GAS7: variants seen among roughly 807,000 people sequenced by gnomAD.
The protein encoded by GAS7 is growth arrest-specific protein 7.
In GAS7, 28 loss-of-function variants were observed where a neutral mutation model predicts 71.1. The observed-to-expected ratio is 0.39, with a 90% CI of 0.29 to 0.54. GAS7 has a LOEUF of 0.54. GAS7 is among the 20% of genes least tolerant of loss of function. The pLI is 0.62. For synonymous variants in GAS7, 258 were observed against 245.8 expected (o/e 1.05, Z -0.46); for missense variants, 436 against 627.8 (o/e 0.69, Z 3.27).
intron 1 of GAS7, among the ~76,000 whole-genome samples, chr17:10,112,197 G>A (rs1286980474): frequency 6.6e-6 from 1 of 152,176 alleles, no homozygotes; most frequent in Non-Finnish European, 1.5e-5. Flanking sequence ...TGCTGTCACT[G>A]CATCCAATTC....
At chr17:9,924,156 T>G (rs2067913995) in intron 11 of GAS7, among the ~76,000 whole-genome samples, 1 of 152,222 alleles carries the variant, frequency 6.6e-6, no homozygotes, top group South Asian at 2.1e-4. Flanking sequence ...TATTTTGCCA[T>G]GTACCAATAC....
At position 9,914,799 on chromosome 17, in the gene GAS7, C is replaced by A. The variant is rs7220380; in HGVS notation, c.*2429G>T. 9 of 229,066 alleles carry A rather than the reference C, an allele frequency of 3.9e-5. No homozygotes were observed. The highest frequency in any genetic ancestry group is 6.9e-5 in the Non-Finnish European group (8 of 115,574). 14.2% of individuals were successfully genotyped at this position (229,066 alleles called of 1,614,324 possible). A position where few individuals can be genotyped will look rare whatever the true frequency, so the allele number is the denominator to read the frequency against. ...ATGCCCATCTTACATACAACTAGAG[C>A]GCCGCTTCTCAGCATGCCTGGCTTG... On this transcript the variant is annotated 3_prime_UTR_variant, in exon 14 of 14. Coordinates refer to ENST00000432992, the MANE Select transcript of GAS7 (RefSeq NM_201433.2).
In GAS7 at chr17:9,988,950, G is replaced by T. The variant is rs561878351; in HGVS notation, c.305-7066C>A. Among the ~76,000 whole-genome samples the T allele has an allele frequency of 2.7e-5, 4 of 148,706 alleles. No homozygotes were observed. The East Asian group carries it at 8.1e-4, about 30-fold the overall frequency. Reference sequence around the variant, plus strand: ...TGCAAGCTCCGCCTCCCAGGTTCCCGCCATTCTCCTGCCTCAGCCTCCTGA... The same window carrying T: ...TGCAAGCTCCGCCTCCCAGGTTCCCTCCATTCTCCTGCCTCAGCCTCCTGA... On this transcript the variant is annotated intron_variant, in intron 2 of 13. Transcript: ENST00000432992.
At chr17:10,137,279 T>C (rs1461735853) in intron 1 of GAS7, among the ~76,000 whole-genome samples, 1 of 152,066 alleles carries the variant, frequency 6.6e-6, no homozygotes, top group Non-Finnish European at 1.5e-5. Context: ...TCATTCCCTC[T>C]CCATTAAGTT....
At chr17:10,090,437 A>G (rs2073569891) in intron 1 of GAS7, among the ~76,000 whole-genome samples, 1 of 152,228 alleles carries the variant, frequency 6.6e-6, no homozygotes, top group Admixed American at 6.5e-5. Flanking sequence ...GATCTCTCAC[A>G]AACTTCAGAA....
chr17:10,107,524 C>A (rs2073769493), intron 1 of GAS7, among the ~76,000 whole-genome samples: 1 of 151,388 alleles, frequency 6.6e-6, no homozygotes. Context: ...GGAGAACTAC[C>A]TTACACATAG....
rs912662198 is a variant in GAS7 at position 9,926,010 on chromosome 17, C to T, written c.1015-411G>A. 3.9e-5 allele frequency among the ~76,000 whole-genome samples: 6 copies of T among 152,030 alleles called. No individual in the cohort carries two copies. Among genetic ancestry groups the T allele is most frequent in the Non-Finnish European group, 4.4e-5 (3 of 68,012 alleles). The stretch of plus-strand genomic sequence containing the variant: ...TCCCGTTCTGGAGCTGGACAAGCCT[C>T]GGCCCTCTTGTTCCCCTCACTGTAC... On this transcript the variant is annotated intron_variant, in intron 10 of 13. Transcript: ENST00000432992. The surrounding 1 kb of genome is among the most constrained non-coding windows in gnomAD (Gnocchi z 5.0).
At chr17:10,083,816 C>T (rs149444820) in intron 1 of GAS7, among the ~76,000 whole-genome samples, 285 of 152,230 alleles carry the variant, frequency 1.9e-3, no homozygotes, top group Non-Finnish European at 3.2e-3. Context: ...AAAGACACCA[C>T]GCAGAAGTGG....
chr17:9,971,890 GGAT>G (rs1301769970), intron 3 of GAS7, among the ~76,000 whole-genome samples: 1 of 152,166 alleles, frequency 6.6e-6, no homozygotes, highest in African/African-American at 2.4e-5. Context: ...TTGGGCAATG[GGAT>G]GATGAAGCCC....
intron 9 of GAS7, among the ~76,000 whole-genome samples, chr17:9,928,119 A>T (rs931898570): frequency 1.7e-3 from 248 of 145,692 alleles, no homozygotes; most frequent in African/African-American, 4.7e-3. Flanking sequence ...TTATTTATTT[A>T]TTTATTTTTT....
chr17:10,182,497 G>A (rs985243385), intron 1 of GAS7, among the ~76,000 whole-genome samples: 2 of 152,122 alleles, frequency 1.3e-5, no homozygotes, highest in Non-Finnish European at 2.9e-5. Flanking sequence ...CTTTTACTTT[G>A]TCAGCTAACT....
chr17:10,167,447 G>A (rs2074304158), intron 1 of GAS7, among the ~76,000 whole-genome samples: 1 of 152,268 alleles, frequency 6.6e-6, no homozygotes, highest in South Asian at 2.1e-4. Flanking sequence ...AACCTCACGT[G>A]GGTGTCAAAA....
At chr17:10,098,351 GCC>G (rs1274936155) in intron 1 of GAS7, among the ~76,000 whole-genome samples, 3 of 152,228 alleles carry the variant, frequency 2.0e-5, no homozygotes, top group African/African-American at 7.2e-5. Context: ...ACCCCATGCA[GCC>G]AGGGCTGCCC....
intron 11 of GAS7, among the ~76,000 whole-genome samples, chr17:9,924,134 T>G (rs1394814123): frequency 6.6e-6 from 1 of 152,234 alleles, no homozygotes; most frequent in African/African-American, 2.4e-5. Context: ...TATTCTTGTC[T>G]GCTGATTAAA....
At chr17:10,046,861 AAAAAG>A (rs1225430290) in intron 1 of GAS7, among the ~76,000 whole-genome samples, 3 of 107,060 alleles carry the variant, frequency 2.8e-5, no homozygotes, top group South Asian at 2.6e-4. Context: ...AAAGAAAAGA[AAAAAG>A]AAAAGAAAAG....
rs546279262 is a variant in GAS7 at position 9,916,562 on chromosome 17, G to A, written c.*666C>T. The A allele has an allele frequency of 3.2e-3, 785 of 244,802 alleles. 2 individuals carry two copies. The highest frequency in any genetic ancestry group is 4.4e-3 in the Non-Finnish European group (561 of 126,172). The allele number at this position is 244,802 out of a possible 1,614,324, so 15.2% of individuals were successfully genotyped here. A position where few individuals can be genotyped will look rare whatever the true frequency, so the allele number is the denominator to read the frequency against. Reference sequence around the variant, plus strand: ...CTGATCTCATGGGACACGATTCAGCGCTCAATTTGGGGCTAATTTGCCGAA... The same window carrying A: ...CTGATCTCATGGGACACGATTCAGCACTCAATTTGGGGCTAATTTGCCGAA... On this transcript the variant is annotated 3_prime_UTR_variant, in exon 14 of 14. Coordinates refer to ENST00000432992, the MANE Select transcript of GAS7 (RefSeq NM_201433.2).
intron 5 of GAS7, among the ~76,000 whole-genome samples, chr17:9,951,076 C>G (rs1165874679): frequency 6.6e-6 from 1 of 152,182 alleles, no homozygotes; most frequent in Non-Finnish European, 1.5e-5. Flanking sequence ...AGAGACAAGT[C>G]TCCTTCCTTC....
chr17:10,015,132 C>T (rs2071940829), intron 2 of GAS7, among the ~76,000 whole-genome samples: 3 of 150,438 alleles, frequency 2.0e-5, no homozygotes, highest in Non-Finnish European at 4.4e-5. Context: ...TCCAGTCTGG[C>T]GACAGAGCGA....
At position 10,198,378 on chromosome 17, in the gene GAS7, G is replaced by T; in HGVS notation, c.13C>A (p.Arg5Ser). The T allele has an allele frequency of 6.3e-7, 1 of 1,586,538 alleles. No homozygotes were observed. Among genetic ancestry groups the T allele is most frequent in the Non-Finnish European group, 8.5e-7 (1 of 1,174,414 alleles). Reference protein sequence around the residue: MSGARCRTLYPFSGE... With the variant: MSGASCRTLYPFSGE... Reference sequence around the variant, plus strand: ...GAGAAGGGGTACAGGGTCCGGCAGCGAGCGCCGGACATGGCCTTGGCGCCC... The same window carrying T: ...GAGAAGGGGTACAGGGTCCGGCAGCTAGCGCCGGACATGGCCTTGGCGCCC... The change falls in exon 1 of 14, where the codon CGC (arginine) becomes AGC (serine). Residue 5 changes from arginine to serine, a missense_variant. Coordinates refer to ENST00000432992, the MANE Select transcript of GAS7 (RefSeq NM_201433.2).
Sources: allele counts gnomAD v4.1 joint callset (sites outside exome capture counted in the v4.1 genomes callset), GRCh38; gene constraint gnomAD v4.1.1; non-coding constraint Gnocchi (gnomAD v3.1); transcripts MANE v1.5; gene names NCBI Gene and HGNC (gene_info 2026-07-23, HGNC 2026-07-21).